The following RAD51B variants were observed in gnomAD, a reference collection of about 807,000 sequenced individuals.
RAD51B encodes the protein RAD51 paralog B, also known as DNA repair protein RAD51 homolog 2.
RAD51B carries 38 observed loss-of-function variants against 42.2 expected under a neutral mutation model. That is an observed-to-expected ratio of 0.90 (90% confidence interval 0.70 to 1.18). The LOEUF is 1.18. RAD51B is among the 50% of genes most tolerant of loss of function. The pLI is 0.00. For missense variants in RAD51B, 373 were observed against 400.7 expected (o/e 0.93, Z 0.59); for synonymous variants, 154 against 145.2 (o/e 1.06, Z -0.43).
At chr14:68,353,501 A>G (rs948318676) in intron 8 of RAD51B, among the ~76,000 whole-genome samples, 5 of 152,158 alleles carry the variant, frequency 3.3e-5, no homozygotes, top group Non-Finnish European at 7.3e-5. Context: ...TGCCACAGAA[A>G]TGTGTCTATT....
intron 9 of RAD51B, among the ~76,000 whole-genome samples, chr14:68,435,608 T>G (rs1236345566): frequency 6.6e-6 from 1 of 152,096 alleles, no homozygotes; most frequent in Non-Finnish European, 1.5e-5. Flanking sequence ...CCAAACTGCT[T>G]TCTACAGTGG....
At chr14:68,019,752 CA>C (rs1367256339) in intron 7 of RAD51B, among the ~76,000 whole-genome samples, 1 of 151,790 alleles carries the variant, frequency 6.6e-6, no homozygotes, top group Non-Finnish European at 1.5e-5. Flanking sequence ...CTGCGTATAA[CA>C]AAAAAAGAGA....
chr14:67,891,806 A>T (rs2043227354), intron 7 of RAD51B, among the ~76,000 whole-genome samples: 3 of 152,174 alleles, frequency 2.0e-5, no homozygotes, highest in Admixed American at 2.0e-4. Context: ...GGTTTTATTA[A>T]TTATAAATTG....
intron 5 of RAD51B, among the ~76,000 whole-genome samples, chr14:67,877,401 TG>T (rs2042761860): frequency 6.6e-6 from 1 of 152,084 alleles, no homozygotes; most frequent in Non-Finnish European, 1.5e-5. Context: ...CACTGAACTG[TG>T]GTTGGAAAAA....
chr14:68,052,905 T>G (rs772213868), intron 7 of RAD51B, among the ~76,000 whole-genome samples: 1 of 152,026 alleles, frequency 6.6e-6, no homozygotes, highest in Admixed American at 6.6e-5. Context: ...AATGCTGAGA[T>G]TACAAACGTG....
chr14:68,078,700 T>C (rs1595366986), intron 7 of RAD51B, among the ~76,000 whole-genome samples: 2 of 152,152 alleles, frequency 1.3e-5, no homozygotes, highest in Non-Finnish European at 2.9e-5. Flanking sequence ...TATTTAATTA[T>C]AACTTGGGGC....
At chr14:68,105,171 A>G (rs943428516) in intron 7 of RAD51B, among the ~76,000 whole-genome samples, 3 of 151,750 alleles carry the variant, frequency 2.0e-5, no homozygotes, top group African/African-American at 7.3e-5. Flanking sequence ...CGGAGATAGC[A>G]ATATCTTTAA....
intron 4 of RAD51B, among the ~76,000 whole-genome samples, chr14:67,837,625 A>G (rs1202068605): frequency 7.8e-6 from 1 of 128,768 alleles, no homozygotes; most frequent in African/African-American, 3.2e-5. Flanking sequence ...ATATCAAATT[A>G]TCCTCAAACA....
At chr14:68,517,772 G>GAGA (rs1372492173) in intron 10 of RAD51B, among the ~76,000 whole-genome samples, 2 of 152,216 alleles carry the variant, frequency 1.3e-5, no homozygotes, top group Non-Finnish European at 2.9e-5. Flanking sequence ...GACTAGATAT[G>GAGA]AGAAAGGCGT....
At chr14:68,482,943 C>T (rs1883315731), downstream of RAD51B, among the ~76,000 whole-genome samples, 1 of 152,162 alleles carries the variant, frequency 6.6e-6, no homozygotes, top group African/African-American at 2.4e-5. Context: ...CTGAGACTCT[C>T]CAGACAAGCT....
chr14:68,065,226 T>A (rs1310816819), intron 7 of RAD51B, among the ~76,000 whole-genome samples: 1 of 152,000 alleles, frequency 6.6e-6, no homozygotes, highest in Non-Finnish European at 1.5e-5. Flanking sequence ...TCAGCTGTAG[T>A]CAGTGTTGGC....
At position 68,043,398 on chromosome 14, in the gene RAD51B, G is replaced by A. The variant is rs116725075; in HGVS notation, c.756+156194G>A. Among the ~76,000 whole-genome samples the A allele has an allele frequency of 6.9e-3, 1,057 of 152,262 alleles. 12 individuals carry two copies. Among genetic ancestry groups the A allele is most frequent in the African/African-American group, 0.024 (988 of 41,554 alleles). ...GAATATCTTGGGTGGAATTTAATTC[G>A]TGATTCATTTGCATTATACTGATCA... On this transcript the variant is annotated intron_variant, in intron 7 of 10. Transcript: ENST00000471583.
chr14:68,584,441 C>T (rs981362284), intron 10 of RAD51B, among the ~76,000 whole-genome samples: 1 of 152,108 alleles, frequency 6.6e-6, no homozygotes, highest in African/African-American at 2.4e-5. Flanking sequence ...CTATTACAAT[C>T]GAGCAAGCCT....
intron 7 of RAD51B, among the ~76,000 whole-genome samples, chr14:67,930,063 T>A (rs2044671404): frequency 6.6e-6 from 1 of 152,226 alleles, no homozygotes; most frequent in East Asian, 1.9e-4. Flanking sequence ...TTCATTTATT[T>A]ACTTTGAGTC....
chr14:68,287,753 G>A (rs750811736), intron 7 of RAD51B, among the ~76,000 whole-genome samples: 1 of 152,136 alleles, frequency 6.6e-6, no homozygotes, highest in Non-Finnish European at 1.5e-5. Context: ...ATCAGGCATG[G>A]GTTTTATAGC....
intron 7 of RAD51B, among the ~76,000 whole-genome samples, chr14:68,055,508 T>C (rs2076459913): frequency 6.6e-6 from 1 of 152,226 alleles, no homozygotes; most frequent in African/African-American, 2.4e-5. Flanking sequence ...AAAAGATCAA[T>C]ATGCAATGCT....
intron 10 of RAD51B, among the ~76,000 whole-genome samples, chr14:68,580,339 C>T (rs889289328): frequency 1.1e-4 from 17 of 150,034 alleles, no homozygotes; most frequent in Non-Finnish European, 1.8e-4. Context: ...CAGCAGGTCT[C>T]CCAGGGTTGG....
chr14:68,172,083 G>A (rs1270995091), intron 7 of RAD51B, among the ~76,000 whole-genome samples: 1 of 152,170 alleles, frequency 6.6e-6, no homozygotes, highest in Non-Finnish European at 1.5e-5. Context: ...ATGTTTAAAT[G>A]TGCATATCCA....
At chr14:68,504,561 A>T (rs1328502038) in intron 10 of RAD51B, among the ~76,000 whole-genome samples, 1 of 152,052 alleles carries the variant, frequency 6.6e-6, no homozygotes, top group East Asian at 1.9e-4. Context: ...TTGGGAGGGA[A>T]ACTCTCCCAG....
Sources: gnomAD v4.1 joint callset for allele counts (sites outside exome capture counted in the v4.1 genomes callset) on GRCh38, gnomAD v4.1.1 for gene constraint, MANE v1.5 for transcripts, NCBI Gene and HGNC (gene_info 2026-07-23, HGNC 2026-07-21) for gene names.